Variants in PNPT1 observed in about 807,000 individuals in gnomAD.
The protein encoded by PNPT1 is polyribonucleotide nucleotidyltransferase 1.
A neutral mutation model predicts 119.5 loss-of-function variants in PNPT1; 53 were observed. The observed-to-expected ratio is 0.44, with a 90% CI of 0.36 to 0.56. The LOEUF (loss-of-function observed/expected upper bound fraction) is 0.56, where lower values mean the gene tolerates loss of function less well. PNPT1 is among the 20% of genes least tolerant of loss of function. The probability of loss-of-function intolerance (pLI) is 0.00; values close to 1 mark genes in which losing one functional copy is unlikely to be tolerated. For missense variants in PNPT1, 948 were observed against 938.5 expected, an observed-to-expected ratio of 1.01 and a Z score of -0.13; for synonymous variants, 357 against 322.1, an observed-to-expected ratio of 1.11 and a Z score of -1.16.
chr2:55,641,817 C>CA (rs1213986489), intron 25 of PNPT1, among the ~76,000 whole-genome samples: 23 of 148,072 alleles, frequency 1.6e-4, no homozygotes, highest in African/African-American at 5.7e-4. Flanking sequence ...TCTAGCTGGT[C>CA]AAAAAAAATG....
intron 5 of PNPT1, among the ~76,000 whole-genome samples, chr2:55,681,965 C>T (rs1697262233): frequency 6.6e-6 from 1 of 151,570 alleles, no homozygotes; most frequent in Non-Finnish European, 1.5e-5. Context: ...CACGGTGAAA[C>T]CCCGTCTCTA....
At chr2:55,690,034 C>G (rs570354711) in intron 1 of PNPT1, among the ~76,000 whole-genome samples, 101 of 152,246 alleles carry the variant, frequency 6.6e-4, no homozygotes, top group African/African-American at 2.3e-3. Flanking sequence ...GTTACCCAGG[C>G]TGGTCTCAAA....
intron 8 of PNPT1, among the ~76,000 whole-genome samples, chr2:55,675,345 T>C (rs1401031150): frequency 6.6e-6 from 1 of 151,646 alleles, no homozygotes; most frequent in Non-Finnish European, 1.5e-5. Context: ...TCCAGTGCTA[T>C]GGGAGGCCAG....
At chr2:55,659,218 GTGC>G (rs1392624052) in intron 15 of PNPT1, among the ~76,000 whole-genome samples, 1 of 152,154 alleles carries the variant, frequency 6.6e-6, no homozygotes, top group African/African-American at 2.4e-5. Context: ...GCCTCCCAAA[GTGC>G]TGGGATTACA....
Position 55,693,804 on chromosome 2 carries a change from C to T in PNPT1, c.20G>A (p.Cys7Tyr), listed in dbSNP as rs764110672. 9 of 1,613,804 alleles carry T rather than the reference C, an allele frequency of 5.6e-6. No homozygotes were observed. Among genetic ancestry groups the T allele is most frequent in the Non-Finnish European group, 7.6e-6 (9 of 1,180,040 alleles). MAACRYCCSCLRLRPLS... is the reference protein window; with the variant it reads MAACRYYCSCLRLRPLS... Reference sequence around the variant, plus strand: ...GGGCCGGAGCCGGAGGCACGAGCAGCAGTACCTGCAGGCCGCCATGACACC... The same window carrying T: ...GGGCCGGAGCCGGAGGCACGAGCAGTAGTACCTGCAGGCCGCCATGACACC... The change falls in exon 1 of 28, where the codon TGC becomes TAC. Residue 7 changes from cysteine to tyrosine, a missense_variant. Cys to Tyr is a radical substitution (Grantham distance 194). Transcript: ENST00000447944.
rs1238224334 is a variant in PNPT1, at chr2:55,636,246, A to G, written c.2343T>C (p.Asn781=). 1.2e-6 allele frequency: 2 copies of G among 1,609,160 alleles called. No homozygotes were observed. The highest frequency in any genetic ancestry group is 2.2e-5 in the South Asian group (2 of 89,618). Reference sequence around the variant, plus strand: ...TCTTTAAAAAAAAAAATCACTGAGAATTAGATGATGACTGTGAAATAGGTT... The same window carrying G: ...TCTTTAAAAAAAAAAATCACTGAGAGTTAGATGATGACTGTGAAATAGGTT... ...MGEPISQSSS[N]SQ Residue 781 remains asparagine, a synonymous_variant, in exon 28 of 28, where the codon AAT becomes AAC. Transcript: ENST00000447944.
intron 25 of PNPT1, among the ~76,000 whole-genome samples, chr2:55,641,052 C>A (rs569868370): frequency 1.3e-5 from 2 of 151,820 alleles, no homozygotes; most frequent in Non-Finnish European, 2.9e-5. Context: ...GGTGAAACCC[C>A]GTCTCTACTA....
chr2:55,661,953 T>TA lies in PNPT1; in HGVS notation c.1247+2dup. On this transcript the variant is annotated splice_region_variant and intron_variant, in intron 14 of 27. Transcript: ENST00000447944. ...TAACAAACATCTTAAAAACATAACT[T>TA]ACTTTATAGCTGTTATAACTTGATC... 6.4e-7 allele frequency: 1 copy of TA among 1,558,080 alleles called. No homozygotes were observed. The highest frequency in any genetic ancestry group is 1.2e-5 in the South Asian group (1 of 80,246).
chr2:55,690,121 C>G (rs80129584), intron 1 of PNPT1, among the ~76,000 whole-genome samples: 3 of 152,292 alleles, frequency 2.0e-5, no homozygotes, highest in East Asian at 1.9e-4. Flanking sequence ...TGCTCCCAGA[C>G]GAGTTGTACA....
At chr2:55,687,216 A>AAC (rs1697437010) in intron 2 of PNPT1, among the ~76,000 whole-genome samples, 1 of 147,976 alleles carries the variant, frequency 6.8e-6, no homozygotes, top group Non-Finnish European at 1.5e-5. Flanking sequence ...TCCATCTCAA[A>AAC]AAAAAAAAAA....
At chr2:55,687,208 C>A (rs1559113777) in intron 2 of PNPT1, among the ~76,000 whole-genome samples, 2 of 53,664 alleles carry the variant, frequency 3.7e-5, no homozygotes, top group Admixed American at 2.8e-4. Flanking sequence ...AGTGAGACTC[C>A]ATCTCAAAAA....
intron 27 of PNPT1, 124 bp downstream of exon 27, chr2:55,637,428 T>C (rs552367567): frequency 1.2e-6 from 1 of 818,552 alleles, no homozygotes; most frequent in Admixed American, 2.2e-5. Flanking sequence ...AGATTAAAAA[T>C]GAAGTACTGC....
intron 18 of PNPT1, among the ~76,000 whole-genome samples, chr2:55,651,028 A>G (rs1425054595): frequency 7.1e-6 from 1 of 140,150 alleles, no homozygotes; most frequent in East Asian, 2.2e-4. Flanking sequence ...CTGGGAAGTG[A>G]GGAGCCCCTC....
rs1433603519 is a variant in PNPT1, at chr2:55,667,856, G to A, written c.1073+6C>T. ...CTTCAATTTCAACAAAAAAGGGTAT[G>A]TTTACCTTTTGTATTCATTCAAAAC... is the stretch of plus-strand genomic sequence containing the variant. On this transcript the variant is annotated splice_donor_region_variant and intron_variant, in intron 12 of 27. Transcript: ENST00000447944. The A allele has an allele frequency of 1.3e-6, 2 of 1,597,194 alleles. No homozygotes were observed. The highest frequency in any genetic ancestry group is 1.7e-6 in the Non-Finnish European group (2 of 1,174,834).
At chr2:55,677,654 A>G (rs1007095901) in intron 8 of PNPT1, among the ~76,000 whole-genome samples, 5 of 150,678 alleles carry the variant, frequency 3.3e-5, no homozygotes, top group Non-Finnish European at 7.4e-5. Flanking sequence ...ATGTCTACTT[A>G]ACAATTAGAA....
rs757171568 is a variant in PNPT1, at chr2:55,675,289, CA to C, written c.680-2211del. Among the ~76,000 whole-genome samples, 920 of 127,930 alleles carry C rather than the reference CA, an allele frequency of 7.2e-3. 4 individuals carry two copies. The highest frequency in any genetic ancestry group is 8.4e-3 in the Non-Finnish European group (503 of 59,802). The allele number at this position is 127,930 out of a possible 152,430, so 83.9% of individuals were successfully genotyped here. ...GTTGAGGAGAGTTGAGAACCAGATTCAAAAAAAAAAAAAATATGGCTGGGCA... is the reference window on the plus strand; with the variant it reads ...GTTGAGGAGAGTTGAGAACCAGATTCAAAAAAAAAAAAATATGGCTGGGCA... On this transcript the variant is annotated intron_variant, in intron 8 of 27. Transcript: ENST00000447944.
At chr2:55,664,166 T>C (rs559747950) in intron 13 of PNPT1, among the ~76,000 whole-genome samples, 1 of 152,350 alleles carries the variant, frequency 6.6e-6, no homozygotes, top group Admixed American at 6.5e-5. Flanking sequence ...CATGATTGTA[T>C]GAAAGTTATA....
At chr2:55,691,175 G>A (rs897627690) in intron 1 of PNPT1, among the ~76,000 whole-genome samples, 6 of 152,120 alleles carry the variant, frequency 3.9e-5, no homozygotes, top group Non-Finnish European at 5.9e-5. Context: ...CTCTACTAAC[G>A]GGGCTACTGC....
intron 26 of PNPT1, 82 bp downstream of exon 26, chr2:55,640,545 T>C: frequency 5.0e-6 from 6 of 1,210,680 alleles, no homozygotes; most frequent in Non-Finnish European, 7.2e-6. Context: ...GCAAAGTGTA[T>C]AATTCTTACC....
Sources: allele counts gnomAD v4.1 joint callset (sites outside exome capture counted in the v4.1 genomes callset), GRCh38; gene constraint gnomAD v4.1.1; transcripts MANE v1.5; gene names NCBI Gene and HGNC (gene_info 2026-07-23, HGNC 2026-07-21).